Variants in MTUS2 observed in about 807,000 individuals in gnomAD.
The protein encoded by MTUS2 is microtubule associated scaffold protein 2.
In MTUS2, 40 loss-of-function variants were observed where a neutral mutation model predicts 114.1. That is an observed-to-expected ratio of 0.35 (90% CI 0.27 to 0.46). The LOEUF is 0.46. Among genes scored for constraint, MTUS2 ranks in the 20% least tolerant of loss-of-function variants. The pLI is 1.00. For missense variants in MTUS2, 1,679 were observed against 1,705.4 expected (o/e 0.98, Z 0.27); for synonymous variants, 688 against 672.0 (o/e 1.02, Z -0.37).
chr13:28,912,417 TGTA>T (rs1412477776), intron 2 of MTUS2, among the ~76,000 whole-genome samples: 1 of 152,210 alleles, frequency 6.6e-6, no homozygotes, highest in East Asian at 1.9e-4. Flanking sequence ...ACTGTAGCCT[TGTA>T]GTATAGTTTG....
intron 2 of MTUS2, among the ~76,000 whole-genome samples, chr13:28,908,257 C>T (rs902792318): frequency 6.6e-6 from 1 of 151,458 alleles, no homozygotes; most frequent in African/African-American, 2.4e-5. Flanking sequence ...TGTCATTTAA[C>T]ATTAGGTATA....
At chr13:29,287,587 C>T (rs1467394506) in intron 6 of MTUS2, among the ~76,000 whole-genome samples, 2 of 152,160 alleles carry the variant, frequency 1.3e-5, no homozygotes, top group Non-Finnish European at 2.9e-5. Flanking sequence ...AAAATTTTAA[C>T]TCTGTAAACT....
chr13:29,080,138 C>T (rs1173049363), intron 4 of MTUS2, among the ~76,000 whole-genome samples: 1 of 152,124 alleles, frequency 6.6e-6, no homozygotes, highest in African/African-American at 2.4e-5. Flanking sequence ...CCTGTTGTAG[C>T]TGCTCTGTGG....
At chr13:29,040,106 T>C (rs1201930085) in intron 4 of MTUS2, among the ~76,000 whole-genome samples, 1 of 152,218 alleles carries the variant, frequency 6.6e-6, no homozygotes, top group Non-Finnish European at 1.5e-5. Flanking sequence ...TGTAATCTTT[T>C]ATCCCTCACT....
chr13:29,371,099 G>A (rs902137087), intron 8 of MTUS2, among the ~76,000 whole-genome samples: 1 of 152,242 alleles, frequency 6.6e-6, no homozygotes. Flanking sequence ...TCAAAAATCT[G>A]CTGAAAAGCT....
intron 4 of MTUS2, among the ~76,000 whole-genome samples, chr13:29,046,328 C>T (rs538818902): frequency 6.6e-6 from 1 of 152,192 alleles, no homozygotes; most frequent in African/African-American, 2.4e-5. Flanking sequence ...GTTGCCCAGG[C>T]TGGTCTCGAA....
chr13:29,426,402 C>G (rs1470665467), intron 8 of MTUS2, among the ~76,000 whole-genome samples: 1 of 152,170 alleles, frequency 6.6e-6, no homozygotes, highest in African/African-American at 2.4e-5. Flanking sequence ...GTTACGCCAT[C>G]GTAAAGTGGA....
intron 5 of MTUS2, among the ~76,000 whole-genome samples, chr13:29,253,830 AAGAGAG>A (rs10571940): frequency 6.6e-6 from 1 of 151,660 alleles, no homozygotes; most frequent in African/African-American, 2.4e-5. Flanking sequence ...GCAGCAGGCA[AAGAGAG>A]AGAGAGAGCT....
chr13:28,985,751 T>G (rs575374922), intron 2 of MTUS2, among the ~76,000 whole-genome samples: 23 of 152,286 alleles, frequency 1.5e-4, no homozygotes, highest in African/African-American at 5.1e-4. Context: ...GAGATTAACA[T>G]TTAAATTGAA....
At chr13:29,379,974 T>C (rs1406170501) in intron 8 of MTUS2, among the ~76,000 whole-genome samples, 1 of 152,116 alleles carries the variant, frequency 6.6e-6, no homozygotes, top group Non-Finnish European at 1.5e-5. Flanking sequence ...GTGGTGTGAG[T>C]GTTTTTTGAC....
chr13:29,146,216 G>A (rs1027221154), intron 5 of MTUS2, among the ~76,000 whole-genome samples: 3 of 152,138 alleles, frequency 2.0e-5, no homozygotes, highest in Non-Finnish European at 2.9e-5. Context: ...CTTCACCCTG[G>A]CTGGAGTAGT....
chr13:28,993,685 T>C (rs1884960386), intron 2 of MTUS2, among the ~76,000 whole-genome samples: 1 of 152,070 alleles, frequency 6.6e-6, no homozygotes, highest in Non-Finnish European at 1.5e-5. Context: ...CCTGTTATCT[T>C]TGTTGACTTT....
chr13:29,417,813 A>G (rs1875776219), intron 8 of MTUS2, among the ~76,000 whole-genome samples: 1 of 152,182 alleles, frequency 6.6e-6, no homozygotes, highest in East Asian at 1.9e-4. Context: ...AAAAATTTCA[A>G]CAGTTGAGAT....
intron 5 of MTUS2, among the ~76,000 whole-genome samples, chr13:29,143,920 G>A (rs910500099): frequency 1.3e-5 from 2 of 152,234 alleles, no homozygotes; most frequent in African/African-American, 4.8e-5. Flanking sequence ...GAAAAGCAAT[G>A]TGTCATGGTG....
At chr13:29,275,086 G>T (rs1566104504) in intron 5 of MTUS2, among the ~76,000 whole-genome samples, 2 of 152,092 alleles carry the variant, frequency 1.3e-5, no homozygotes, top group South Asian at 2.1e-4. Context: ...GATATGACTT[G>T]CAAATATTTT....
chr13:29,084,530 C>G (rs1310038841), intron 4 of MTUS2, among the ~76,000 whole-genome samples: 11 of 148,436 alleles, frequency 7.4e-5, no homozygotes, highest in Non-Finnish European at 1.5e-4. Context: ...CTCCCCTCTC[C>G]CCCCCTTCTT....
intron 2 of MTUS2, among the ~76,000 whole-genome samples, chr13:28,859,316 C>T (rs1454159817): frequency 6.6e-6 from 1 of 152,146 alleles, no homozygotes; most frequent in Non-Finnish European, 1.5e-5. Flanking sequence ...TGAGGACAAT[C>T]CCCATAGTGG....
At chr13:29,257,210 C>T (rs778935233) in intron 5 of MTUS2, among the ~76,000 whole-genome samples, 3 of 152,186 alleles carry the variant, frequency 2.0e-5, no homozygotes, top group Non-Finnish European at 2.9e-5. Flanking sequence ...CCAAAATGTA[C>T]ACATAACCAT....
intron 9 of MTUS2, among the ~76,000 whole-genome samples, chr13:29,448,792 C>G (rs1441386175): frequency 7.0e-6 from 1 of 143,396 alleles, no homozygotes; most frequent in Non-Finnish European, 1.5e-5. Flanking sequence ...GTCTCACTCT[C>G]ACCCAAACTG....
Sources: allele counts gnomAD v4.1 joint callset (sites outside exome capture counted in the v4.1 genomes callset), GRCh38; gene constraint gnomAD v4.1.1; transcripts MANE v1.5; gene names NCBI Gene and HGNC (gene_info 2026-07-23, HGNC 2026-07-21).